The following ARPP21 variants were observed in gnomAD, a reference collection of about 807,000 sequenced individuals.
ARPP21 encodes cAMP-regulated phosphoprotein 21.
A neutral mutation model predicts 113.2 loss-of-function variants in ARPP21; 69 were observed. The ratio of observed to expected loss-of-function variants is 0.61; its 90% confidence interval spans 0.50 to 0.74. The LOEUF is 0.74. Among genes scored for constraint, ARPP21 ranks in the 30% least tolerant of loss-of-function variants. The pLI, the probability that ARPP21 is intolerant of heterozygous loss-of-function variation, is 0.00. For synonymous variants in ARPP21, 368 were observed against 375.5 expected (o/e 0.98, Z 0.23); for missense variants, 1,070 against 1,037.4 (o/e 1.03, Z -0.43).
In ARPP21 at chr3:35,743,341, C is replaced by T. The variant is rs1016209284; in HGVS notation, c.2011-498C>T. 4.6e-5 allele frequency among the ~76,000 whole-genome samples: 7 copies of T among 152,290 alleles called. No homozygotes were observed. In the East Asian group the frequency reaches 5.8e-4, roughly 13 times the overall value. Reference sequence around the variant, plus strand: ...TTTTAAAACAACCATTGTATGATCACGACTAGGTCAGCAATTGAGCAGGAT... The same window carrying T: ...TTTTAAAACAACCATTGTATGATCATGACTAGGTCAGCAATTGAGCAGGAT... On this transcript the variant is annotated intron_variant, in intron 18 of 20. Transcript: ENST00000684406.
intron 1 of ARPP21, among the ~76,000 whole-genome samples, chr3:35,648,377 A>C (rs1701069426): frequency 6.6e-6 from 1 of 152,224 alleles, no homozygotes; most frequent in Non-Finnish European, 1.5e-5. Flanking sequence ...GAATCCATGA[A>C]GGAAAAACCT....
chr3:35,732,337 A>G (rs554294860), intron 15 of ARPP21, among the ~76,000 whole-genome samples: 1 of 152,282 alleles, frequency 6.6e-6, no homozygotes, highest in African/African-American at 2.4e-5. Flanking sequence ...TTTCCCCAAT[A>G]TAACCATAAC....
chr3:35,793,480 A>G (rs79581803), intron 20 of ARPP21, among the ~76,000 whole-genome samples: 173 of 152,310 alleles, frequency 1.1e-3, no homozygotes, highest in African/African-American at 4.0e-3. Context: ...AATCCTTTCA[A>G]TGGTACTTTG....
intron 1 of ARPP21, among the ~76,000 whole-genome samples, chr3:35,677,125 G>A (rs1374070902): frequency 3.3e-5 from 5 of 151,792 alleles, no homozygotes; most frequent in Admixed American, 3.3e-4. Flanking sequence ...ATATTGTGAA[G>A]AAAGTGACTA....
intron 19 of ARPP21, among the ~76,000 whole-genome samples, chr3:35,766,296 G>A (rs1158791072): frequency 6.6e-6 from 1 of 152,118 alleles, no homozygotes; most frequent in Non-Finnish European, 1.5e-5. Flanking sequence ...AGTTGGAGTA[G>A]TAATGGCACA....
chr3:35,682,756 C>T (rs760183797), intron 3 of ARPP21, 92 bp from the exon 4 acceptor site: 127 of 1,187,446 alleles, frequency 1.1e-4, no homozygotes, highest in Non-Finnish European at 1.4e-4. Flanking sequence ...ACATTTTTCT[C>T]TCTTTCTTTC....
At chr3:35,735,278 A>AT (rs1193556742) in intron 15 of ARPP21, among the ~76,000 whole-genome samples, 2 of 151,828 alleles carry the variant, frequency 1.3e-5, no homozygotes, top group African/African-American at 4.8e-5. Flanking sequence ...TGTCCAGCTA[A>AT]TTTTTTGTAT....
intron 18 of ARPP21, among the ~76,000 whole-genome samples, chr3:35,740,158 A>G (rs2094570695): frequency 6.6e-6 from 1 of 152,170 alleles, no homozygotes; most frequent in Non-Finnish European, 1.5e-5. Flanking sequence ...AATTGACTTG[A>G]GCATGTAAGA....
intron 19 of ARPP21, among the ~76,000 whole-genome samples, chr3:35,790,585 T>C (rs1241270666): frequency 6.6e-6 from 1 of 152,216 alleles, no homozygotes; most frequent in Non-Finnish European, 1.5e-5. Flanking sequence ...GTGAAAATGG[T>C]AATATGGGAT....
chr3:35,661,746 G>T, intron 1 of ARPP21, among the ~76,000 whole-genome samples: 1 of 152,116 alleles, frequency 6.6e-6, no homozygotes, highest in Non-Finnish European at 1.5e-5. Context: ...AGGCACAGTG[G>T]ATGCCTTTGT....
intron 19 of ARPP21, among the ~76,000 whole-genome samples, chr3:35,790,357 G>A (rs750374331): frequency 3.3e-5 from 5 of 152,118 alleles, no homozygotes; most frequent in Non-Finnish European, 5.9e-5. Flanking sequence ...ATTTTCTTAT[G>A]TATATAATAA....
Position 35,639,933 on chromosome 3 carries a change from C to T in ARPP21, c.-678C>T, listed in dbSNP as rs1486749992. On this transcript the variant is annotated 5_prime_UTR_variant, in exon 1 of 21. Transcript: ENST00000684406. The surrounding 1 kb of genome is among the most constrained non-coding windows in gnomAD (Gnocchi z 5.0). ...AGAGCGCAGCAAAGCGAGAATCCCG[C>T]GCCGAGCTGCTAGTCGGACCCACAG... 6.6e-6 allele frequency: 1 copy of T among 152,322 alleles called. No homozygotes were observed. Among genetic ancestry groups the T allele is most frequent in the Non-Finnish European group, 1.5e-5 (1 of 68,172 alleles). The allele number at this position is 152,322 out of a possible 1,614,324, so 9.4% of individuals were successfully genotyped here.
At chr3:35,778,538 A>G (rs1559936922) in intron 19 of ARPP21, among the ~76,000 whole-genome samples, 1 of 152,100 alleles carries the variant, frequency 6.6e-6, no homozygotes, top group Non-Finnish European at 1.5e-5. Flanking sequence ...CCTACAGACA[A>G]GGGGAGAAAA....
intron 1 of ARPP21, among the ~76,000 whole-genome samples, chr3:35,656,504 G>A (rs944447418): frequency 6.6e-6 from 1 of 152,028 alleles, no homozygotes; most frequent in Non-Finnish European, 1.5e-5. Context: ...ATTACTAATC[G>A]ACACAATAGT....
intron 13 of ARPP21, among the ~76,000 whole-genome samples, chr3:35,718,512 G>C (rs895544198): frequency 1.3e-5 from 2 of 152,074 alleles, no homozygotes; most frequent in African/African-American, 4.8e-5. Flanking sequence ...CTAAAGGCCA[G>C]TTAGTTTTAC....
chr3:35,737,300 C>T lies in ARPP21; in HGVS notation c.1582C>T (p.Pro528Ser). 8 of 1,613,092 alleles carry T rather than the reference C, an allele frequency of 5.0e-6. No homozygotes were observed. The highest frequency in any genetic ancestry group is 5.9e-6 in the Non-Finnish European group (7 of 1,179,360). Residue 528 changes from proline to serine, a missense_variant, in exon 16 of 21, where the codon CCG (proline) becomes TCG (serine). Physicochemically the swap from Pro to Ser is moderately conservative, Grantham distance 74. Transcript: ENST00000684406. ...GCAGCCACCACAGCAGCAGCCCTCC[C>T]CGCAGCCCCAACAGCAGGTCCAGCC... ...QQQPPQQQPS[P>S]QPQQQVQPPQ...
At chr3:35,645,512 G>T (rs919564593) in intron 1 of ARPP21, among the ~76,000 whole-genome samples, 1 of 151,498 alleles carries the variant, frequency 6.6e-6, no homozygotes, top group Non-Finnish European at 1.5e-5. Flanking sequence ...CTTTTTTTCT[G>T]CAGCTTTTTC....
At position 35,663,493 on chromosome 3, in the gene ARPP21, G is replaced by A. The variant is rs373035729; in HGVS notation, c.-212-16294G>A. ...ATGTGCACAAAATGGAGATAATTGT[G>A]TAACAAACCCCCATGTATGCATCAT... On this transcript the variant is annotated intron_variant, in intron 1 of 20. Transcript: ENST00000684406. Among the ~76,000 whole-genome samples the A allele has an allele frequency of 1.2e-4, 18 of 152,276 alleles. No homozygotes were observed. In the South Asian group the frequency reaches 3.1e-3, roughly 26 times the overall value.
Position 35,768,508 on chromosome 3 carries a change from C to T in ARPP21, c.2138-23874C>T, listed in dbSNP as rs139763642. On this transcript the variant is annotated intron_variant, in intron 19 of 20. Transcript: ENST00000684406. ...ACTCATTTAATAAAATAAAAATAAC[C>T]GATATTTGATTTATGATAGCATCAC... Among the ~76,000 whole-genome samples the T allele has an allele frequency of 3.5e-3, 537 of 152,026 alleles. 21 individuals carry two copies. The South Asian group carries it at 0.059, about 17-fold the overall frequency.
Sources: gnomAD v4.1 joint callset for allele counts (sites outside exome capture counted in the v4.1 genomes callset) on GRCh38, gnomAD v4.1.1 for gene constraint, Gnocchi (gnomAD v3.1) non-coding constraint, MANE v1.5 for transcripts, NCBI Gene and HGNC (gene_info 2026-07-23, HGNC 2026-07-21) for gene names.